Variants in NFIC observed in about 807,000 individuals in gnomAD.
NFIC encodes the protein nuclear factor I C.
NFIC carries 12 observed loss-of-function variants against 54.4 expected under a neutral mutation model. The observed-to-expected ratio is 0.22, with a 90% CI of 0.14 to 0.36. The LOEUF is 0.36. Among genes scored for constraint, NFIC ranks in the 10% least tolerant of loss-of-function variants. The pLI, the probability that NFIC is intolerant of heterozygous loss-of-function variation, is 1.00. For synonymous variants in NFIC, 322 were observed against 319.2 expected, an observed-to-expected ratio of 1.01 and a Z score of -0.09; for missense variants, 575 against 718.2, an observed-to-expected ratio of 0.80 and a Z score of 2.28.
intron 2 of NFIC, among the ~76,000 whole-genome samples, chr19:3,417,883 C>T (rs1301454781): frequency 1.3e-5 from 2 of 150,378 alleles, no homozygotes; most frequent in Non-Finnish European, 1.5e-5. Context: ...CATGATCCGC[C>T]CGCCTCGGCC....
At chr19:3,425,065 G>T in intron 2 of NFIC, 41 bp from the exon 3 acceptor site, 1 of 1,607,184 alleles carries the variant, frequency 6.2e-7, no homozygotes, top group Non-Finnish European at 8.5e-7. Flanking sequence ...CTGGGGTGGG[G>T]TCTCTGTGAT....
chr19:3,452,779 G>A lies in NFIC; in HGVS notation c.1269+113G>A. 3.1e-6 allele frequency: 4 copies of A among 1,285,122 alleles called. No individual in the cohort carries two copies. The South Asian group carries it at 5.8e-5, about 18-fold the overall frequency. The allele number at this position is 1,285,122 out of a possible 1,614,324, so 79.6% of individuals were successfully genotyped here. A position where few individuals can be genotyped will look rare whatever the true frequency, so the allele number is the denominator to read the frequency against. ...TGCTTAAAAGGGTCTTGAGGACTTGGCTCTGAAGTCCCCTCCTCTGTCGTG... is the reference window on the plus strand; with the variant it reads ...TGCTTAAAAGGGTCTTGAGGACTTGACTCTGAAGTCCCCTCCTCTGTCGTG... On this transcript the variant is annotated intron_variant, in intron 8 of 10. Transcript: ENST00000443272. This position sits in a 1 kb window ranked among gnomAD's most constrained non-coding sequence, Gnocchi z 5.3.
intron 2 of NFIC, among the ~76,000 whole-genome samples, chr19:3,411,521 T>A (rs746342884): frequency 6.6e-6 from 1 of 151,818 alleles, no homozygotes; most frequent in African/African-American, 2.4e-5. Context: ...AGAGACCAGG[T>A]TTCACCGTGT....
chr19:3,411,956 G>T (rs1405542337), intron 2 of NFIC, among the ~76,000 whole-genome samples: 1 of 152,258 alleles, frequency 6.6e-6, no homozygotes, highest in Non-Finnish European at 1.5e-5. Context: ...ACTGGACTGA[G>T]CTCAGCTGCA....
At chr19:3,399,471 G>A (rs112086227) in intron 2 of NFIC, among the ~76,000 whole-genome samples, 2,261 of 152,264 alleles carry the variant, frequency 0.015, 59 homozygotes, top group African/African-American at 0.052. Flanking sequence ...AGCCACTCGA[G>A]AGGTCGCGGC....
intron 6 of NFIC, 119 bp downstream of exon 6, chr19:3,435,326 G>A (rs2082183724): frequency 7.4e-7 from 1 of 1,357,774 alleles, no homozygotes; most frequent in Admixed American, 2.9e-5. Context: ...TGGAGCCGCG[G>A]GGCCTCCTGG....
chr19:3,433,671 C>T, intron 4 of NFIC, 79 bp downstream of exon 4: 2 of 1,463,770 alleles, frequency 1.4e-6, no homozygotes, highest in East Asian at 2.4e-5. Context: ...ACCCCCCTCA[C>T]CCTACTCCTT....
Position 3,453,897 on chromosome 19 carries a change from C to A in NFIC, c.1404C>A (p.Ala468=). The change falls in exon 9 of 11, where the codon GCC becomes GCA. Residue 468 remains alanine (A), a synonymous_variant. Transcript: ENST00000443272. The surrounding 1 kb of genome is among the most constrained non-coding windows in gnomAD (Gnocchi z 6.7). ...CCGCCACCACCTCCGAGGGAGGAGC[C>A]ACGTCGCCGACCTCGCCTTGTAAGC... ...TKPATTSEGG[A]TSPTSPSYSP... is the part of the protein sequence containing the mutation. 1 of 1,548,296 alleles carries A rather than the reference C, an allele frequency of 6.5e-7. No homozygotes were observed. The highest frequency in any genetic ancestry group is 2.5e-5 in the East Asian group (1 of 40,550).
chr19:3,441,557 A>G (rs1568186613), intron 6 of NFIC, among the ~76,000 whole-genome samples: 1 of 152,326 alleles, frequency 6.6e-6, no homozygotes, highest in Non-Finnish European at 1.5e-5. Context: ...CCCAAGGGGG[A>G]CGCCTCAGAA....
chr19:3,389,989 A>G (rs1255257895), intron 2 of NFIC, among the ~76,000 whole-genome samples: 1 of 152,246 alleles, frequency 6.6e-6, no homozygotes, highest in African/African-American at 2.4e-5. Context: ...TGTCCCAAAA[A>G]CAAAACAAAC....
chr19:3,432,949 C>T (rs1327953540), intron 3 of NFIC, among the ~76,000 whole-genome samples: 1 of 151,972 alleles, frequency 6.6e-6, no homozygotes, highest in South Asian at 2.1e-4. Flanking sequence ...GGATTACAGA[C>T]GTGAGCCACC....
chr19:3,463,818 G>A lies in NFIC; in HGVS notation c.*1049G>A. The A allele has an allele frequency of 1.0e-6, 1 of 985,130 alleles. No homozygotes were observed. Among genetic ancestry groups the A allele is most frequent in the Non-Finnish European group, 1.2e-6 (1 of 829,844 alleles). 61.0% of individuals were successfully genotyped at this position (985,130 alleles called of 1,614,324 possible). On this transcript the variant is annotated 3_prime_UTR_variant, in exon 11 of 11. Transcript: ENST00000443272. The stretch of plus-strand genomic sequence containing the variant: ...CCCCGTCAGCCCCTGGCGGTGGGAG[G>A]TGAGAGCGAGTGGTTTAAGTGCCTG...
At chr19:3,379,983 C>G (rs972085256) in intron 1 of NFIC, among the ~76,000 whole-genome samples, 2 of 148,628 alleles carry the variant, frequency 1.3e-5, no homozygotes, top group African/African-American at 5.0e-5. Context: ...TGCTTGGCCG[C>G]CGACCCTAGT....
rs558387642 is a variant in NFIC, at chr19:3,463,553, G to A, written c.*784G>A. 5 of 984,700 alleles carry A rather than the reference G, an allele frequency of 5.1e-6. No individual in the cohort carries two copies. Among genetic ancestry groups the A allele is most frequent in the Non-Finnish European group, 4.8e-6 (4 of 829,812 alleles). The allele number at this position is 984,700 out of a possible 1,614,324, so 61.0% of individuals were successfully genotyped here. A position where few individuals can be genotyped will look rare whatever the true frequency, so the allele number is the denominator to read the frequency against. On this transcript the variant is annotated 3_prime_UTR_variant, in exon 11 of 11. Transcript: ENST00000443272. Reference sequence around the variant, plus strand: ...AAAGCGCCGGCCGACTCGCTGTCTCGCTGGGGACTCTTTCAGCCCTCGCGC... The same window carrying A: ...AAAGCGCCGGCCGACTCGCTGTCTCACTGGGGACTCTTTCAGCCCTCGCGC...
At chr19:3,416,782 C>G (rs1454890718) in intron 2 of NFIC, among the ~76,000 whole-genome samples, 1 of 151,246 alleles carries the variant, frequency 6.6e-6, no homozygotes, top group African/African-American at 2.4e-5. Flanking sequence ...CTCGGCCTCC[C>G]AAAGCACTGG....
In NFIC at chr19:3,458,874, G is replaced by A. The variant is rs1253871325; in HGVS notation, c.1509+2239G>A. On this transcript the variant is annotated intron_variant, in intron 10 of 10. Transcript: ENST00000443272. This position sits in a 1 kb window ranked among gnomAD's most constrained non-coding sequence, Gnocchi z 4.1. ...ACATTGTCAAGAGGCTCTCAGGGGA[G>A]CATGGGTTAGGGGGAAGGCGAGGTC... Among the ~76,000 whole-genome samples the A allele has an allele frequency of 6.6e-6, 1 of 152,132 alleles. No homozygotes were observed. The highest frequency in any genetic ancestry group is 2.4e-5 in the African/African-American group (1 of 41,430).
At chr19:3,398,769 G>A (rs1230676917) in intron 2 of NFIC, among the ~76,000 whole-genome samples, 2 of 152,142 alleles carry the variant, frequency 1.3e-5, no homozygotes, top group Non-Finnish European at 2.9e-5. Flanking sequence ...ACCAGTTTAT[G>A]CAAGGGCAGC....
intron 10 of NFIC, among the ~76,000 whole-genome samples, chr19:3,461,883 G>T (rs911487627): frequency 7.3e-5 from 11 of 150,164 alleles, no homozygotes; most frequent in Non-Finnish European, 1.5e-5. Flanking sequence ...GTGAAACCCT[G>T]TCTCTACTAA....
intron 6 of NFIC, among the ~76,000 whole-genome samples, chr19:3,442,420 GC>G (rs1354965228): frequency 1.5e-5 from 2 of 132,282 alleles, no homozygotes; most frequent in African/African-American, 5.7e-5. Context: ...TCACTCTGTT[GC>G]CCAGGCTGGA....
Sources: gnomAD v4.1 joint callset for allele counts (sites outside exome capture counted in the v4.1 genomes callset) on GRCh38, gnomAD v4.1.1 for gene constraint, Gnocchi (gnomAD v3.1) non-coding constraint, MANE v1.5 for transcripts, NCBI Gene and HGNC (gene_info 2026-07-23, HGNC 2026-07-21) for gene names.